The following NRXN3 variants were observed in gnomAD, a reference collection of about 807,000 sequenced individuals.
The protein encoded by NRXN3 is neurexin III.
Under a neutral mutation model 137.6 loss-of-function variants are expected in NRXN3, and 32 were observed. The observed-to-expected ratio is 0.23, with a 90% confidence interval of 0.18 to 0.31. The LOEUF is 0.31. NRXN3 is among the 10% of genes least tolerant of loss of function. NRXN3 has a pLI of 1.00. For synonymous variants in NRXN3, 798 were observed against 784.5 expected (o/e 1.02, Z -0.29); for missense variants, 1,574 against 2,062.5 (o/e 0.76, Z 4.59).
intron 15 of NRXN3, among the ~76,000 whole-genome samples, chr14:79,218,485 A>T (rs1035474900): frequency 6.6e-6 from 1 of 152,190 alleles, no homozygotes; most frequent in Admixed American, 6.6e-5. Context: ...AATGAACAAG[A>T]CAGCCACACT....
At chr14:78,727,610 C>T (rs1209194421) in intron 8 of NRXN3, among the ~76,000 whole-genome samples, 1 of 152,112 alleles carries the variant, frequency 6.6e-6, no homozygotes, top group Non-Finnish European at 1.5e-5. Flanking sequence ...TGGTGCTTGC[C>T]TGTAATCCCA....
chr14:79,465,812 T>C (rs938062711), intron 15 of NRXN3, among the ~76,000 whole-genome samples: 1 of 152,202 alleles, frequency 6.6e-6, no homozygotes, highest in Non-Finnish European at 1.5e-5. Flanking sequence ...TGTTACCAAA[T>C]GTGCTCTGAA....
Position 79,008,540 on chromosome 14 carries a change from TAA to T in NRXN3, c.3262+20400_3262+20401del, listed in dbSNP as rs2099560290. Among the ~76,000 whole-genome samples, 3 of 150,010 alleles carry T rather than the reference TAA, an allele frequency of 2.0e-5. No individual in the cohort carries two copies. The South Asian group carries it at 6.5e-4, about 32-fold the overall frequency. ...TATAATTACTTTGAGCTTGCCAGCGTAAGTTTCCTCCTACTCTCTCCCTGCAA... is the reference window on the plus strand; with the variant it reads ...TATAATTACTTTGAGCTTGCCAGCGTGTTTCCTCCTACTCTCTCCCTGCAA... On this transcript the variant is annotated intron_variant, in intron 15 of 20. Transcript: ENST00000335750.
intron 15 of NRXN3, among the ~76,000 whole-genome samples, chr14:79,028,107 A>G (rs766445091): frequency 2.6e-5 from 4 of 152,196 alleles, no homozygotes; most frequent in Admixed American, 1.3e-4. Context: ...GAAGGATCCA[A>G]TAAATATTGG....
At chr14:79,449,309 A>G (rs1015590321) in intron 15 of NRXN3, among the ~76,000 whole-genome samples, 1 of 152,124 alleles carries the variant, frequency 6.6e-6, no homozygotes, top group African/African-American at 2.4e-5. Context: ...ATCCCTTCGC[A>G]TTTCTTGCAA....
chr14:78,690,600 G>A (rs1264433823), intron 6 of NRXN3, among the ~76,000 whole-genome samples: 1 of 152,104 alleles, frequency 6.6e-6, no homozygotes, highest in South Asian at 2.1e-4. Flanking sequence ...GTCTTAAATA[G>A]AACCAGTGTC....
chr14:78,199,113 G>A (rs1337152749), intron 1 of NRXN3, among the ~76,000 whole-genome samples: 1 of 152,238 alleles, frequency 6.6e-6, no homozygotes, highest in Admixed American at 6.5e-5. Flanking sequence ...TTTGATGAGA[G>A]GCCAAGAGTA....
At chr14:79,389,815 ACT>A (rs1219092555) in intron 15 of NRXN3, among the ~76,000 whole-genome samples, 3 of 152,090 alleles carry the variant, frequency 2.0e-5, no homozygotes, top group Non-Finnish European at 2.9e-5. Context: ...TTAATCAAAA[ACT>A]CTGACTAGTA....
intron 10 of NRXN3, among the ~76,000 whole-genome samples, chr14:78,911,937 T>C (rs987695235): frequency 2.0e-5 from 3 of 151,938 alleles, no homozygotes; most frequent in African/African-American, 7.2e-5. Flanking sequence ...TTTTTTATTA[T>C]ACTTTAAGTT....
intron 17 of NRXN3, among the ~76,000 whole-genome samples, chr14:79,690,223 C>T (rs1026893296): frequency 3.3e-5 from 5 of 152,180 alleles, no homozygotes; most frequent in African/African-American, 7.2e-5. Context: ...AAAAGGTACA[C>T]GTTCTTTTTC....
chr14:79,635,122 G>A (rs1291769622), intron 16 of NRXN3, among the ~76,000 whole-genome samples: 2 of 152,154 alleles, frequency 1.3e-5, no homozygotes, highest in Non-Finnish European at 2.9e-5. Flanking sequence ...TGATAGATAT[G>A]CTAATTGCCC....
chr14:79,505,507 A>C (rs2096869845), intron 16 of NRXN3, among the ~76,000 whole-genome samples: 1 of 152,216 alleles, frequency 6.6e-6, no homozygotes, highest in Non-Finnish European at 1.5e-5. Flanking sequence ...ACATTAATTC[A>C]GTTCACATTC....
chr14:79,210,854 T>C (rs1236691874), intron 15 of NRXN3, among the ~76,000 whole-genome samples: 3 of 152,170 alleles, frequency 2.0e-5, no homozygotes, highest in Non-Finnish European at 4.4e-5. Flanking sequence ...ATTGTGCTAT[T>C]CTTCAGTGGG....
chr14:79,284,360 ATATATATATATATATATATATATATG>A (rs1439507128), intron 15 of NRXN3, among the ~76,000 whole-genome samples: 4,766 of 122,006 alleles, frequency 0.039, 327 homozygotes, highest in African/African-American at 0.15. Flanking sequence ...ATATATATAT[ATATATATATATATATATATATATATG>A]TATCTCCAAT....
chr14:79,327,595 A>G (rs2091083177), intron 15 of NRXN3, among the ~76,000 whole-genome samples: 1 of 151,920 alleles, frequency 6.6e-6, no homozygotes, highest in South Asian at 2.1e-4. Context: ...TGTTCTTCCC[A>G]CCCTTCTCCT....
intron 15 of NRXN3, among the ~76,000 whole-genome samples, chr14:79,106,106 T>G (rs1364142336): frequency 6.6e-6 from 1 of 152,080 alleles, no homozygotes; most frequent in Non-Finnish European, 1.5e-5. Context: ...CTCTCCCTAT[T>G]CTGTCTTCTA....
intron 10 of NRXN3, among the ~76,000 whole-genome samples, chr14:78,908,411 C>T (rs909958860): frequency 8.5e-5 from 13 of 152,076 alleles, no homozygotes; most frequent in South Asian, 4.2e-4. Context: ...TCTGTCTCAC[C>T]AGTCAGCTTT....
At chr14:78,978,722 A>G (rs1430392622) in intron 14 of NRXN3, among the ~76,000 whole-genome samples, 1 of 148,084 alleles carries the variant, frequency 6.8e-6, no homozygotes, top group Non-Finnish European at 1.5e-5. Context: ...TATATAATAT[A>G]TAAAATATAT....
At chr14:78,872,728 A>AT (rs935510957) in intron 10 of NRXN3, among the ~76,000 whole-genome samples, 14 of 151,078 alleles carry the variant, frequency 9.3e-5, no homozygotes, top group African/African-American at 1.9e-4. Context: ...CTCTCAAGTC[A>AT]TTTTTTTTTA....
Sources: gnomAD v4.1 joint callset for allele counts (sites outside exome capture counted in the v4.1 genomes callset) on GRCh38, gnomAD v4.1.1 for gene constraint, MANE v1.5 for transcripts, NCBI Gene and HGNC (gene_info 2026-07-23, HGNC 2026-07-21) for gene names.